PDE7A: variants seen among roughly 807,000 people sequenced by gnomAD.
The protein encoded by PDE7A is high affinity 3',5'-cyclic-AMP phosphodiesterase 7A.
In PDE7A, 39 loss-of-function variants were observed where a neutral mutation model predicts 64.3. The ratio of observed to expected loss-of-function variants is 0.61; its 90% CI spans 0.47 to 0.79. The LOEUF (loss-of-function observed/expected upper bound fraction) is 0.79. PDE7A is among the 30% of genes least tolerant of loss of function. The pLI is 0.00. For missense variants in PDE7A, 470 were observed against 582.8 expected (o/e 0.81, Z 1.99); for synonymous variants, 203 against 206.8 (o/e 0.98, Z 0.16).
intron 1 of PDE7A, among the ~76,000 whole-genome samples, chr8:65,803,646 C>T (rs1810046059): frequency 1.3e-5 from 2 of 152,108 alleles, no homozygotes; most frequent in Non-Finnish European, 2.9e-5. Flanking sequence ...CAAGATAGGC[C>T]TTTTTCTTCT....
chr8:65,788,600 T>G (rs1809621615), intron 1 of PDE7A, among the ~76,000 whole-genome samples: 1 of 152,162 alleles, frequency 6.6e-6, no homozygotes, highest in African/African-American at 2.4e-5. Flanking sequence ...AAGTTAAACT[T>G]CTTTAGTCAT....
At chr8:65,778,302 T>C (rs1473205181) in intron 3 of PDE7A, among the ~76,000 whole-genome samples, 1 of 152,162 alleles carries the variant, frequency 6.6e-6, no homozygotes, top group Non-Finnish European at 1.5e-5. Context: ...TTAGTCCAAC[T>C]ACCCTAAGAC....
chr8:65,747,286 C>T (rs1807717452), intron 4 of PDE7A, among the ~76,000 whole-genome samples: 1 of 152,208 alleles, frequency 6.6e-6, no homozygotes, highest in Non-Finnish European at 1.5e-5. Flanking sequence ...CCCTCGTGCT[C>T]TCTTGGACTC....
intron 12 of PDE7A, 95 bp downstream of exon 12, chr8:65,723,446 C>A: frequency 2.6e-6 from 3 of 1,140,332 alleles, no homozygotes; most frequent in Non-Finnish European, 3.4e-6. Flanking sequence ...TAGAAATGAG[C>A]ATAATTTTAA....
chr8:65,739,581 G>A lies in PDE7A; in HGVS notation c.516C>T (p.Ser172=). The change falls in exon 6 of 13, where the codon AGC becomes AGT. Residue 172 remains serine, a synonymous_variant. Transcript: ENST00000401827. ...DRLTNGNSLV[S]LTFHLFSLHG... Reference sequence around the variant, plus strand: ...GAAGACTAAATAAATGAAAGGTTAAGCTTACTAGACTATTTCCTAAAAAGA... The same window carrying A: ...GAAGACTAAATAAATGAAAGGTTAAACTTACTAGACTATTTCCTAAAAAGA... 1 of 1,544,168 alleles carries A rather than the reference G, an allele frequency of 6.5e-7. No homozygotes were observed. Among genetic ancestry groups the A allele is most frequent in the Non-Finnish European group, 8.7e-7 (1 of 1,150,994 alleles).
chr8:65,835,216 T>TG (rs947955033), intron 1 of PDE7A, among the ~76,000 whole-genome samples: 7 of 152,234 alleles, frequency 4.6e-5, no homozygotes, highest in African/African-American at 1.7e-4. Flanking sequence ...CAAAATGAAT[T>TG]GGAGTTTTTT....
chr8:65,742,264 G>A (rs774608449), intron 5 of PDE7A, among the ~76,000 whole-genome samples: 1 of 152,146 alleles, frequency 6.6e-6, no homozygotes, highest in Non-Finnish European at 1.5e-5. Flanking sequence ...TCCCAGATGG[G>A]ATCTGGTTGG....
chr8:65,813,183 T>G (rs764771681), intron 1 of PDE7A, among the ~76,000 whole-genome samples: 3 of 152,176 alleles, frequency 2.0e-5, no homozygotes, highest in Non-Finnish European at 4.4e-5. Flanking sequence ...TTCAGAGATA[T>G]CAAAGTTGTA....
At chr8:65,737,794 C>T (rs1246286161) in intron 6 of PDE7A, among the ~76,000 whole-genome samples, 1 of 152,218 alleles carries the variant, frequency 6.6e-6, no homozygotes, top group Non-Finnish European at 1.5e-5. Flanking sequence ...GCTGGGATTA[C>T]AGGCGTGAGC....
chr8:65,794,896 T>C (rs930910059), intron 1 of PDE7A, among the ~76,000 whole-genome samples: 7 of 152,156 alleles, frequency 4.6e-5, no homozygotes, highest in Non-Finnish European at 1.0e-4. Flanking sequence ...TAACCCAGGA[T>C]TTGTTAACAT....
intron 1 of PDE7A, among the ~76,000 whole-genome samples, chr8:65,831,991 G>A (rs923015410): frequency 1.3e-4 from 20 of 152,118 alleles, no homozygotes; most frequent in Admixed American, 4.6e-4. Context: ...GATACATCTA[G>A]CTTTCTCTTT....
At chr8:65,834,473 GC>G (rs1269630202) in intron 1 of PDE7A, among the ~76,000 whole-genome samples, 1 of 152,092 alleles carries the variant, frequency 6.6e-6, no homozygotes, top group African/African-American at 2.4e-5. Context: ...GGGAGTTGCA[GC>G]CTGCATTGTT....
At chr8:65,822,097 A>C (rs1037345623) in intron 1 of PDE7A, among the ~76,000 whole-genome samples, 2 of 152,198 alleles carry the variant, frequency 1.3e-5, no homozygotes, top group Non-Finnish European at 2.9e-5. Context: ...ACCAAAGGTA[A>C]GGGCTGCCTA....
intron 1 of PDE7A, among the ~76,000 whole-genome samples, chr8:65,819,774 T>C (rs1810496139): frequency 1.3e-5 from 2 of 152,254 alleles, no homozygotes; most frequent in South Asian, 4.1e-4. Flanking sequence ...ATTCTCATGT[T>C]CTTCCTGAGC....
At chr8:65,739,380 A>C (rs1355827055) in intron 6 of PDE7A, 122 bp downstream of exon 6, 6 of 1,124,154 alleles carry the variant, frequency 5.3e-6, no homozygotes, top group Non-Finnish European at 7.1e-6. Flanking sequence ...TGTTGTTTTA[A>C]GCCACTAATT....
chr8:65,760,005 C>T (rs1480214353), intron 3 of PDE7A, among the ~76,000 whole-genome samples: 2 of 152,020 alleles, frequency 1.3e-5, no homozygotes, highest in African/African-American at 2.4e-5. Context: ...TTTGGGAGCC[C>T]GAGGCAGGCA....
chr8:65,827,696 T>C (rs1056852088), intron 1 of PDE7A, among the ~76,000 whole-genome samples: 21 of 152,196 alleles, frequency 1.4e-4, no homozygotes, highest in African/African-American at 4.6e-4. Context: ...ACAAATACCA[T>C]TGTGTTACAA....
intron 12 of PDE7A, chr8:65,720,463 C>T (rs1025160181): frequency 6.5e-6 from 1 of 154,136 alleles, no homozygotes. Context: ...ATTTATCCAA[C>T]ATAAGAATCT....
chr8:65,731,628 C>T (rs972843344), intron 7 of PDE7A: 1 of 152,104 alleles, frequency 6.6e-6, no homozygotes, highest in Non-Finnish European at 1.5e-5. Flanking sequence ...CACATGAGTT[C>T]AGCCTTGAGG....
Sources: gnomAD v4.1 joint callset for allele counts (sites outside exome capture counted in the v4.1 genomes callset) on GRCh38, gnomAD v4.1.1 for gene constraint, MANE v1.5 for transcripts, NCBI Gene and HGNC (gene_info 2026-07-23, HGNC 2026-07-21) for gene names.